STXBP4: variants seen among roughly 807,000 people sequenced by gnomAD.
The protein encoded by STXBP4 is syntaxin binding protein 4.
Under a neutral mutation model 76.1 loss-of-function variants are expected in STXBP4, and 55 were observed. The ratio of observed to expected loss-of-function variants is 0.72; its 90% confidence interval spans 0.58 to 0.91. The LOEUF (loss-of-function observed/expected upper bound fraction) is 0.91, where lower values mean the gene tolerates loss of function less well. Among genes scored for constraint, STXBP4 ranks in the 40% least tolerant of loss-of-function variants. STXBP4 has a pLI of 0.00. For synonymous variants in STXBP4, 201 were observed against 220.2 expected (o/e 0.91, Z 0.77); for missense variants, 618 against 636.9 (o/e 0.97, Z 0.32).
At chr17:55,021,588 G>T (rs934627713) in intron 8 of STXBP4, among the ~76,000 whole-genome samples, 4 of 151,934 alleles carry the variant, frequency 2.6e-5, no homozygotes, top group Non-Finnish European at 5.9e-5. Flanking sequence ...ACTTACCTCT[G>T]CGTATTGTTG....
chr17:55,000,334 T>A (rs1231106723), intron 6 of STXBP4: 2 of 876,702 alleles, frequency 2.3e-6, no homozygotes, highest in Non-Finnish European at 2.7e-6. Flanking sequence ...AATTTCTATA[T>A]CAGAATTAAC....
chr17:55,206,638 C>T, the STXBP4 span, among the ~76,000 whole-genome samples: 3 of 151,966 alleles, frequency 2.0e-5, no homozygotes, highest in African/African-American at 7.3e-5. Context: ...GGGTGGATCA[C>T]CTGAGGTCAG....
At chr17:55,150,494 T>G (rs141641072) in intron 17 of STXBP4, among the ~76,000 whole-genome samples, 337 of 152,340 alleles carry the variant, frequency 2.2e-3, no homozygotes, top group Middle Eastern at 0.01. Context: ...ACGCTGGGGT[T>G]TGGAGATTCA....
At chr17:55,127,087 A>G (rs2079920867) in intron 16 of STXBP4, among the ~76,000 whole-genome samples, 1 of 152,210 alleles carries the variant, frequency 6.6e-6, no homozygotes, top group Non-Finnish European at 1.5e-5. Context: ...TACCACCATC[A>G]TGCCCTAGAA....
In STXBP4 at chr17:55,160,011, A is replaced by G; in HGVS notation, c.*100A>G. 1 of 667,104 alleles carries G rather than the reference A, an allele frequency of 1.5e-6. No homozygotes were observed. Among genetic ancestry groups the G allele is most frequent in the Non-Finnish European group, 2.6e-6 (1 of 387,772 alleles). 41.3% of individuals were successfully genotyped at this position (667,104 alleles called of 1,614,324 possible). A position where few individuals can be genotyped will look rare whatever the true frequency, so the allele number is the denominator to read the frequency against. On this transcript the variant is annotated 3_prime_UTR_variant, in exon 18 of 18. Coordinates refer to ENST00000376352, the MANE Select transcript of STXBP4 (RefSeq NM_178509.6). ...AGTCTAAAATAGGAGTAAAGCATGC[A>G]CTACTTGTTGAAGTGTGAAATGGAG...
At chr17:55,055,492 C>T (rs1193121800) in intron 12 of STXBP4, among the ~76,000 whole-genome samples, 1 of 152,152 alleles carries the variant, frequency 6.6e-6, no homozygotes, top group Admixed American at 6.6e-5. Flanking sequence ...CCTACCAGAT[C>T]ACGCTACTTT....
In STXBP4 at chr17:55,118,596, A is replaced by T. The variant is rs140713608; in HGVS notation, c.1490-22714A>T. Among the ~76,000 whole-genome samples the T allele has an allele frequency of 2.1e-4, 32 of 152,074 alleles. No homozygotes were observed. The East Asian group carries it at 6.0e-3, about 28-fold the overall frequency. The stretch of plus-strand genomic sequence containing the variant: ...AGAAATAAATGTAAGAATCTTTAGC[A>T]TATATATGGTTTTTAAAGCTATGAA... On this transcript the variant is annotated intron_variant, in intron 16 of 17. Coordinates refer to ENST00000376352, the MANE Select transcript of STXBP4 (RefSeq NM_178509.6).
At chr17:55,151,790 C>T (rs1437077329) in intron 17 of STXBP4, among the ~76,000 whole-genome samples, 1 of 152,134 alleles carries the variant, frequency 6.6e-6, no homozygotes, top group African/African-American at 2.4e-5. Flanking sequence ...ATAGTATTTG[C>T]TTGATGTAAA....
At chr17:55,057,137 T>A (rs924792388) in intron 12 of STXBP4, among the ~76,000 whole-genome samples, 2 of 152,216 alleles carry the variant, frequency 1.3e-5, no homozygotes, top group Non-Finnish European at 2.9e-5. Context: ...CATGCACTGA[T>A]ATTAGTGAGA....
chr17:54,977,500 A>C (rs991264105), intron 1 of STXBP4, among the ~76,000 whole-genome samples: 2 of 152,210 alleles, frequency 1.3e-5, no homozygotes, highest in African/African-American at 4.8e-5. Flanking sequence ...CAAATACTAC[A>C]CCATTTTATA....
chr17:54,981,957 T>C (rs2077556668), intron 1 of STXBP4, among the ~76,000 whole-genome samples: 1 of 152,190 alleles, frequency 6.6e-6, no homozygotes, highest in East Asian at 1.9e-4. Context: ...TCCAACTACC[T>C]TGAGATACCA....
chr17:54,980,776 A>G (rs980722517), intron 1 of STXBP4, among the ~76,000 whole-genome samples: 6 of 152,200 alleles, frequency 3.9e-5, no homozygotes, highest in African/African-American at 7.2e-5. Context: ...TCCAGACCCT[A>G]TTCTCCTGCC....
chr17:55,043,453 TAAA>T lies in STXBP4; in HGVS notation c.945+131_945+133del, dbSNP rs372536058. On this transcript the variant is annotated intron_variant, in intron 11 of 17. Coordinates refer to ENST00000376352, the MANE Select transcript of STXBP4 (RefSeq NM_178509.6). The stretch of plus-strand genomic sequence containing the variant: ...ATGGAAAAATATTAATATCAAATAG[TAAA>T]AATCAGATTCTTTATTCAGTTGGCC... 1,539 of 759,934 alleles carry T rather than the reference TAAA, an allele frequency of 2.0e-3. 60 individuals carry two copies. In the South Asian group the frequency reaches 0.039, roughly 19 times the overall value. 47.1% of individuals were successfully genotyped at this position (759,934 alleles called of 1,614,324 possible). A position where few individuals can be genotyped will look rare whatever the true frequency, so the allele number is the denominator to read the frequency against.
chr17:55,031,669 T>C lies in STXBP4; in HGVS notation c.763+405T>C, dbSNP rs530540267. ...TTATGATGCTACCTAATTAGAGTCATCCCTTGGTATGGGAGGGGAATTGTT... is the reference window on the plus strand; with the variant it reads ...TTATGATGCTACCTAATTAGAGTCACCCCTTGGTATGGGAGGGGAATTGTT... On this transcript the variant is annotated intron_variant, in intron 9 of 17. Coordinates refer to ENST00000376352, the MANE Select transcript of STXBP4 (RefSeq NM_178509.6). Among the ~76,000 whole-genome samples the C allele has an allele frequency of 2.9e-4, 44 of 152,282 alleles. 1 individual carries two copies. The highest frequency in any genetic ancestry group is 6.8e-3 in the Middle Eastern group (2 of 294).
intron 12 of STXBP4, among the ~76,000 whole-genome samples, chr17:55,065,347 T>C (rs1406258348): frequency 2.0e-5 from 3 of 152,110 alleles, no homozygotes; most frequent in Non-Finnish European, 4.4e-5. Flanking sequence ...GAATTCTTGG[T>C]CAAATTCCTC....
chr17:55,064,614 C>G (rs1211100644), intron 12 of STXBP4, among the ~76,000 whole-genome samples: 1 of 152,152 alleles, frequency 6.6e-6, no homozygotes, highest in Non-Finnish European at 1.5e-5. Flanking sequence ...CTGCCTCCGC[C>G]TCCTGAGTAG....
chr17:55,077,683 C>G (rs993385937), intron 13 of STXBP4, among the ~76,000 whole-genome samples: 3 of 113,014 alleles, frequency 2.7e-5, no homozygotes, highest in African/African-American at 7.5e-5. Context: ...CTTTGTCTTA[C>G]ATCGTGTGTG....
chr17:55,067,433 C>T (rs1408096206), intron 12 of STXBP4, among the ~76,000 whole-genome samples: 1 of 151,976 alleles, frequency 6.6e-6, no homozygotes, highest in East Asian at 1.9e-4. Flanking sequence ...AATATATATA[C>T]CTAGAGGATT....
chr17:55,109,725 G>A (rs1272432777), intron 16 of STXBP4, among the ~76,000 whole-genome samples: 1 of 150,608 alleles, frequency 6.6e-6, no homozygotes, highest in Non-Finnish European at 1.5e-5. Flanking sequence ...CACCTCCTGG[G>A]TTCAAGCAAT....
Sources: gnomAD v4.1 joint callset for allele counts (sites outside exome capture counted in the v4.1 genomes callset) on GRCh38, gnomAD v4.1.1 for gene constraint, MANE v1.5 for transcripts, NCBI Gene and HGNC (gene_info 2026-07-23, HGNC 2026-07-21) for gene names.